The following RANBP10 variants were observed in gnomAD, a reference collection of about 807,000 sequenced individuals.
The protein encoded by RANBP10 is ran-binding protein 10.
RANBP10 carries 24 observed loss-of-function variants against 72.8 expected under a neutral mutation model. That is an observed-to-expected ratio of 0.33 (90% CI 0.24 to 0.46). The LOEUF is 0.46. Among genes scored for constraint, RANBP10 ranks in the 20% least tolerant of loss-of-function variants. The pLI is 1.00. For missense variants in RANBP10, 679 were observed against 817.5 expected (o/e 0.83, Z 2.07); for synonymous variants, 310 against 322.3 (o/e 0.96, Z 0.41).
intron 2 of RANBP10, among the ~76,000 whole-genome samples, chr16:67,777,274 C>T (rs181937037): frequency 9.2e-5 from 14 of 152,028 alleles, no homozygotes; most frequent in African/African-American, 2.2e-4. Context: ...CGGTGGCTCA[C>T]GCCTATAATC....
intron 3 of RANBP10, among the ~76,000 whole-genome samples, chr16:67,750,923 C>A (rs9674157): frequency 2.6e-5 from 4 of 152,042 alleles, no homozygotes; most frequent in Non-Finnish European, 4.4e-5. Context: ...CCCGCCACCA[C>A]GCCTGGCTAA....
intron 2 of RANBP10, among the ~76,000 whole-genome samples, chr16:67,777,848 C>A (rs1218355498): frequency 6.6e-6 from 1 of 152,144 alleles, no homozygotes; most frequent in Non-Finnish European, 1.5e-5. Flanking sequence ...TTTCTGATTT[C>A]AAAACTTACT....
rs1444968578 is a variant in RANBP10, at chr16:67,734,973, G to A, written c.661C>T (p.Pro221Ser). The change falls in exon 6 of 14, where the codon CCC (proline) becomes TCC (serine). Residue 221 changes from proline to serine, a missense_variant. By Grantham distance (74) the Pro-to-Ser change is moderately conservative (BLOSUM62 -1). Coordinates refer to ENST00000317506, the MANE Select transcript of RANBP10 (RefSeq NM_020850.3). ...TAGTCCTCAATGTCAAACAGGAAGG[G>A]CTGCTGCCCAAAGTTGGCGTCCACA... ...EIVDANFGQQ[P>S]FLFDIEDYMR... 6.2e-7 allele frequency: 1 copy of A among 1,614,130 alleles called. No individual in the cohort carries two copies. Among genetic ancestry groups the A allele is most frequent in the Non-Finnish European group, 8.5e-7 (1 of 1,179,974 alleles).
chr16:67,753,553 C>T (rs1057212810), intron 3 of RANBP10, among the ~76,000 whole-genome samples: 1 of 152,106 alleles, frequency 6.6e-6, no homozygotes, highest in African/African-American at 2.4e-5. Flanking sequence ...TGAGGACTGA[C>T]TGGAATGGGG....
intron 6 of RANBP10, 48 bp downstream of exon 6, chr16:67,734,809 TG>T: frequency 7.0e-7 from 1 of 1,434,634 alleles, no homozygotes; most frequent in Non-Finnish European, 9.2e-7. Flanking sequence ...TAGAGTGAAG[TG>T]GGCTGGGGTG....
At chr16:67,747,984 C>A (rs937843260) in intron 3 of RANBP10, among the ~76,000 whole-genome samples, 5 of 151,164 alleles carry the variant, frequency 3.3e-5, no homozygotes, top group Non-Finnish European at 7.4e-5. Flanking sequence ...CCATGCCTGG[C>A]TAATTTTGTT....
chr16:67,759,897 G>A (rs919695169), intron 3 of RANBP10, among the ~76,000 whole-genome samples: 1 of 152,046 alleles, frequency 6.6e-6, no homozygotes, highest in Non-Finnish European at 1.5e-5. Context: ...TCAGGAGATC[G>A]AGACCACCCT....
Position 67,727,900 on chromosome 16 carries a change from C to T in RANBP10, c.1475-4G>A. 6.2e-7 allele frequency: 1 copy of T among 1,613,834 alleles called. No homozygotes were observed. Among genetic ancestry groups the T allele is most frequent in the Non-Finnish European group, 8.5e-7 (1 of 1,179,982 alleles). On this transcript the variant is annotated splice_polypyrimidine_tract_variant and splice_region_variant and intron_variant, in intron 11 of 13. Transcript: ENST00000317506. ...TGCCGCCGAGGATGCCTGTCATCTG[C>T]ATCCAGAACCCAGTGGAGAACGTGT...
intron 2 of RANBP10, among the ~76,000 whole-genome samples, chr16:67,782,690 T>C (rs1260092056): frequency 6.6e-6 from 1 of 151,762 alleles, no homozygotes; most frequent in East Asian, 2.0e-4. Context: ...TGACCTCATG[T>C]AATCCGCCCA....
At chr16:67,797,018 T>A (rs1201823797) in intron 2 of RANBP10, among the ~76,000 whole-genome samples, 35 of 152,122 alleles carry the variant, frequency 2.3e-4, no homozygotes, top group Non-Finnish European at 2.9e-5. Flanking sequence ...CAAGACCCAC[T>A]CTGGAGCCCT....
chr16:67,728,362 G>A (rs964626160), intron 11 of RANBP10, 28 bp downstream of exon 11: 6 of 1,610,846 alleles, frequency 3.7e-6, no homozygotes, highest in Non-Finnish European at 5.1e-6. Context: ...TGCCCTCAAA[G>A]AATAGCACAC....
intron 3 of RANBP10, among the ~76,000 whole-genome samples, chr16:67,752,640 C>T (rs1439947033): frequency 6.6e-6 from 1 of 151,664 alleles, no homozygotes; most frequent in South Asian, 2.1e-4. Context: ...AAGGTATATA[C>T]CTTATATATA....
chr16:67,760,679 C>T (rs1250842038), intron 3 of RANBP10, among the ~76,000 whole-genome samples: 2 of 152,160 alleles, frequency 1.3e-5, no homozygotes, highest in African/African-American at 2.4e-5. Flanking sequence ...CCAACAGTTA[C>T]AGTCAAGGAA....
chr16:67,735,401 G>C (rs1017419645), intron 5 of RANBP10, among the ~76,000 whole-genome samples: 3 of 152,168 alleles, frequency 2.0e-5, no homozygotes, highest in Non-Finnish European at 4.4e-5. Context: ...TGCTGCAATA[G>C]TGGGTCATGG....
chr16:67,789,277 T>G (rs2054980783), intron 2 of RANBP10, among the ~76,000 whole-genome samples: 1 of 148,650 alleles, frequency 6.7e-6, no homozygotes, highest in Admixed American at 6.7e-5. Context: ...GCCACTGCAC[T>G]CCAGCCTGGG....
At chr16:67,728,836 CTCT>C (rs2053663365) in intron 10 of RANBP10, among the ~76,000 whole-genome samples, 1 of 152,242 alleles carries the variant, frequency 6.6e-6, no homozygotes, top group Admixed American at 6.5e-5. Flanking sequence ...CCATGGGCAG[CTCT>C]GTGGCCTTGG....
Position 67,729,042 on chromosome 16 carries a change from C to T in RANBP10, c.1352+238G>A, listed in dbSNP as rs896827312. Among the ~76,000 whole-genome samples the T allele has an allele frequency of 3.3e-5, 5 of 152,264 alleles. No homozygotes were observed. The highest frequency in any genetic ancestry group is 2.0e-4 in the Admixed American group (3 of 15,292). On this transcript the variant is annotated intron_variant, in intron 10 of 13. Transcript: ENST00000317506. This position sits in a 1 kb window ranked among gnomAD's most constrained non-coding sequence, Gnocchi z 7.1. Reference sequence around the variant, plus strand: ...GCCTCTTTGGAGGAGACCACATCCTCAGCCTGGCATCATTGGAGCCTCTGG... The same window carrying T: ...GCCTCTTTGGAGGAGACCACATCCTTAGCCTGGCATCATTGGAGCCTCTGG...
chr16:67,804,043 G>A (rs995337214), intron 2 of RANBP10, among the ~76,000 whole-genome samples: 1 of 151,870 alleles, frequency 6.6e-6, no homozygotes, highest in Non-Finnish European at 1.5e-5. Flanking sequence ...AAGTAGGCAA[G>A]GCTCTGACTC....
chr16:67,782,702 C>T (rs1437741463), intron 2 of RANBP10, among the ~76,000 whole-genome samples: 1 of 151,834 alleles, frequency 6.6e-6, no homozygotes, highest in Non-Finnish European at 1.5e-5. Context: ...ATCCGCCCAG[C>T]TCGGCTTCCC....
Sources: gnomAD v4.1 joint callset for allele counts (sites outside exome capture counted in the v4.1 genomes callset) on GRCh38, gnomAD v4.1.1 for gene constraint, Gnocchi (gnomAD v3.1) non-coding constraint, MANE v1.5 for transcripts, NCBI Gene and HGNC (gene_info 2026-07-23, HGNC 2026-07-21) for gene names.